CTXND1: variants seen among roughly 807,000 people sequenced by gnomAD.
The protein encoded by CTXND1 is cortexin domain containing 1.
In CTXND1 at chr15:80,221,009, C is replaced by T. The variant is rs374599426; in HGVS notation, c.-217-17269G>A. 4.0e-5 allele frequency among the ~76,000 whole-genome samples: 6 copies of T among 151,478 alleles called. No individual in the cohort carries two copies. The East Asian group carries it at 9.8e-4, about 25-fold the overall frequency. The stretch of plus-strand genomic sequence containing the variant: ...CTGCAAGCTCCGCCTCCCGGGTTCA[C>T]GCCATTCTCCTGCCTCAGCCTCCCG... On this transcript the variant is annotated intron_variant, in intron 1 of 2. Coordinates refer to ENST00000560778, the MANE Select transcript of CTXND1 (RefSeq NM_001352888.2).
chr15:80,216,834 C>T (rs895560468), intron 1 of CTXND1, among the ~76,000 whole-genome samples: 2 of 152,156 alleles, frequency 1.3e-5, no homozygotes, highest in South Asian at 2.1e-4. Flanking sequence ...AGGCTGGTCT[C>T]GAACTCCTGA....
At chr15:80,204,004 T>A (rs960600033) in intron 1 of CTXND1, among the ~76,000 whole-genome samples, 1 of 150,748 alleles carries the variant, frequency 6.6e-6, no homozygotes, top group African/African-American at 2.4e-5. Context: ...CTACAAAAAG[T>A]ACAAAAAGTT....
intron 1 of CTXND1, among the ~76,000 whole-genome samples, chr15:80,229,372 C>T (rs747721376): frequency 5.3e-5 from 8 of 152,186 alleles, no homozygotes; most frequent in Non-Finnish European, 7.3e-5. Context: ...AGCAATGTGA[C>T]GCTGCAGTGT....
chr15:80,232,807 T>C (rs1893446256), intron 1 of CTXND1, among the ~76,000 whole-genome samples: 1 of 152,080 alleles, frequency 6.6e-6, no homozygotes, highest in East Asian at 1.9e-4. Flanking sequence ...CCAAAGCCCT[T>C]CCCAAGTGAA....
At chr15:80,221,530 G>T (rs1893319918) in intron 1 of CTXND1, among the ~76,000 whole-genome samples, 2 of 152,246 alleles carry the variant, frequency 1.3e-5, no homozygotes, top group African/African-American at 4.8e-5. Context: ...CTGCAGTGAG[G>T]TATGATAGCG....
intron 1 of CTXND1, among the ~76,000 whole-genome samples, chr15:80,246,355 T>C (rs1435909571): frequency 6.6e-6 from 1 of 152,110 alleles, no homozygotes. Context: ...TGTGGAAGAG[T>C]CATGGTTAAA....
rs142120868 is a variant in CTXND1 at position 80,239,235 on chromosome 15, T to G, written c.-218+12772A>C. 2.8e-4 allele frequency among the ~76,000 whole-genome samples: 42 copies of G among 152,300 alleles called. 1 individual carries two copies. The East Asian group carries it at 4.1e-3, about 15-fold the overall frequency. On this transcript the variant is annotated intron_variant, in intron 1 of 2. Transcript: ENST00000560778. The stretch of plus-strand genomic sequence containing the variant: ...CAGTCCTCTGTGCCTGGGTCCCTTA[T>G]ATGGTCTCTTGCTCCCCACCTCTCC...
chr15:80,237,228 G>A (rs929861371), intron 1 of CTXND1, among the ~76,000 whole-genome samples: 10 of 151,718 alleles, frequency 6.6e-5, no homozygotes, highest in African/African-American at 2.2e-4. Context: ...CCAGCTACTT[G>A]GGAGGCTGAG....
intron 1 of CTXND1, among the ~76,000 whole-genome samples, chr15:80,238,755 G>C (rs1035725718): frequency 6.6e-6 from 1 of 152,078 alleles, no homozygotes; most frequent in Non-Finnish European, 1.5e-5. Context: ...GATTACAGGC[G>C]TGAGCCACCG....
chr15:80,238,991 C>T (rs28704839), intron 1 of CTXND1, among the ~76,000 whole-genome samples: 16,148 of 152,212 alleles, frequency 0.11, 883 homozygotes, highest in African/African-American at 0.13. Flanking sequence ...AATGGATCCC[C>T]GTTGTTAAGC....
At chr15:80,202,540 T>C (rs1307358601) in intron 2 of CTXND1, among the ~76,000 whole-genome samples, 1 of 152,224 alleles carries the variant, frequency 6.6e-6, no homozygotes, top group Non-Finnish European at 1.5e-5. Context: ...AGCCTCCAAC[T>C]CCTGGCTCAA....
At chr15:80,248,065 G>T (rs1035751858) in intron 1 of CTXND1, among the ~76,000 whole-genome samples, 2 of 152,236 alleles carry the variant, frequency 1.3e-5, no homozygotes, top group Non-Finnish European at 2.9e-5. Context: ...ACTCTCAATG[G>T]AGAGGATGCC....
At chr15:80,216,744 A>G (rs1451269077) in intron 1 of CTXND1, among the ~76,000 whole-genome samples, 1 of 152,104 alleles carries the variant, frequency 6.6e-6, no homozygotes, top group Admixed American at 6.5e-5. Flanking sequence ...CCTCCTGAGT[A>G]GCTGGGACTA....
chr15:80,232,994 T>G (rs960029238), intron 1 of CTXND1, among the ~76,000 whole-genome samples: 9 of 148,236 alleles, frequency 6.1e-5, no homozygotes, highest in African/African-American at 2.0e-4. Context: ...CCAAGCTGGA[T>G]TGCAGTGGCG....
chr15:80,239,713 A>G (rs1893543140), intron 1 of CTXND1, among the ~76,000 whole-genome samples: 1 of 152,058 alleles, frequency 6.6e-6, no homozygotes, highest in South Asian at 2.1e-4. Flanking sequence ...TTCTAAGAGA[A>G]CCCTAATACA....
rs2041428961 is a variant in CTXND1 at position 80,197,965 on chromosome 15, A to G, written c.*3805T>C. ...ATTGGAAAAAAATGAAATAGCTATG[A>G]TGGGAATGATATGCCAGGATGGTAA... is the stretch of plus-strand genomic sequence containing the variant. On this transcript the variant is annotated 3_prime_UTR_variant, in exon 3 of 3. Coordinates refer to ENST00000560778, the MANE Select transcript of CTXND1 (RefSeq NM_001352888.2). The G allele has an allele frequency of 6.6e-6, 1 of 152,228 alleles. No individual in the cohort carries two copies. Among genetic ancestry groups the G allele is most frequent in the Non-Finnish European group, 1.5e-5 (1 of 68,038 alleles). The allele number at this position is 152,228 out of a possible 1,614,324, so 9.4% of individuals were successfully genotyped here.
intron 1 of CTXND1, among the ~76,000 whole-genome samples, chr15:80,214,059 A>G (rs990497763): frequency 5.3e-5 from 8 of 152,188 alleles, no homozygotes; most frequent in African/African-American, 1.9e-4. Flanking sequence ...TAAACATTAA[A>G]AACAATTTTT....
chr15:80,199,110 C>T lies in CTXND1; in HGVS notation c.*2660G>A, dbSNP rs1002421229. ...ACCCTTCCTGAAATGCTACTATTTC[C>T]TGTTGCCATCAAACAAGAGTCAAGA... On this transcript the variant is annotated 3_prime_UTR_variant, in exon 3 of 3. Transcript: ENST00000560778. 2.0e-5 allele frequency: 3 copies of T among 152,154 alleles called. No individual in the cohort carries two copies. The highest frequency in any genetic ancestry group is 4.4e-5 in the Non-Finnish European group (3 of 68,038). 9.4% of individuals were successfully genotyped at this position (152,154 alleles called of 1,614,324 possible).
intron 1 of CTXND1, among the ~76,000 whole-genome samples, chr15:80,204,139 T>A (rs1445735222): frequency 1.7e-5 from 1 of 58,308 alleles, no homozygotes; most frequent in East Asian, 4.8e-4. Context: ...AGAGCAAGAC[T>A]GTGTCTCAAA....
Sources: gnomAD v4.1 joint callset for allele counts (sites outside exome capture counted in the v4.1 genomes callset) on GRCh38, gnomAD v4.1.1 for gene constraint, MANE v1.5 for transcripts, NCBI Gene and HGNC (gene_info 2026-07-23, HGNC 2026-07-21) for gene names.